The following CUX2 variants were observed in gnomAD, a reference collection of about 807,000 sequenced individuals.
CUX2 encodes the protein homeobox protein cut-like 2.
A neutral mutation model predicts 144.8 loss-of-function variants in CUX2; 40 were observed. The ratio of observed to expected loss-of-function variants is 0.28; its 90% CI spans 0.21 to 0.36. The LOEUF (loss-of-function observed/expected upper bound fraction) is 0.36. Among genes scored for constraint, CUX2 ranks in the 10% least tolerant of loss-of-function variants. CUX2 has a pLI of 1.00. For synonymous variants in CUX2, 827 were observed against 875.6 expected, an observed-to-expected ratio of 0.94 and a Z score of 0.98; for missense variants, 1,615 against 1,994.0, an observed-to-expected ratio of 0.81 and a Z score of 3.62.
chr12:111,249,791 C>G (rs1883477783), intron 3 of CUX2, among the ~76,000 whole-genome samples: 1 of 152,016 alleles, frequency 6.6e-6, no homozygotes, highest in South Asian at 2.1e-4. Context: ...TTTATTTGGG[C>G]TTAGAGAGAA....
rs1220139035 is a variant in CUX2, at chr12:111,037,440, C to T, written c.63+3200C>T. 6.6e-6 allele frequency among the ~76,000 whole-genome samples: 1 copy of T among 152,246 alleles called. No individual in the cohort carries two copies. The highest frequency in any genetic ancestry group is 1.5e-5 in the Non-Finnish European group (1 of 68,048). On this transcript the variant is annotated intron_variant, in intron 1 of 21. Coordinates refer to ENST00000261726, the MANE Select transcript of CUX2 (RefSeq NM_015267.4). This position sits in a 1 kb window ranked among gnomAD's most constrained non-coding sequence, Gnocchi z 5.4. ...CAGTTATTATTCCTTCCAGCGCCGT[C>T]TCTGTACACAGCAGGGCTGTTTTCC...
intron 1 of CUX2, among the ~76,000 whole-genome samples, chr12:111,121,330 A>C (rs1874651319): frequency 6.6e-6 from 1 of 151,026 alleles, no homozygotes; most frequent in African/African-American, 2.4e-5. Context: ...TTCTGAAATA[A>C]ATGTGTTTTT....
intron 1 of CUX2, among the ~76,000 whole-genome samples, chr12:111,137,183 C>T (rs1172446902): frequency 6.6e-6 from 1 of 152,040 alleles, no homozygotes; most frequent in Non-Finnish European, 1.5e-5. Context: ...GATCCCCCTG[C>T]CTGGGCCTCC....
chr12:111,282,352 C>T (rs1037598542), intron 4 of CUX2, among the ~76,000 whole-genome samples: 1 of 149,684 alleles, frequency 6.7e-6, no homozygotes, highest in Admixed American at 6.6e-5. Flanking sequence ...ACAGGCCGTG[C>T]GCCTTGGCTC....
At chr12:111,226,721 G>A (rs1430769974) in intron 3 of CUX2, among the ~76,000 whole-genome samples, 1 of 151,982 alleles carries the variant, frequency 6.6e-6, no homozygotes, top group Non-Finnish European at 1.5e-5. Context: ...TTGCTTTTTG[G>A]CCTTGTGCGA....
chr12:111,340,209 C>G (rs962991063), intron 20 of CUX2, among the ~76,000 whole-genome samples: 1 of 152,088 alleles, frequency 6.6e-6, no homozygotes, highest in Non-Finnish European at 1.5e-5. Flanking sequence ...AAAAAAAATG[C>G]ATTTTCAGAG....
Position 111,034,455 on chromosome 12 carries a change from C to T in CUX2, c.63+215C>T, listed in dbSNP as rs1308993106. 3.3e-5 allele frequency among the ~76,000 whole-genome samples: 5 copies of T among 151,678 alleles called. No homozygotes were observed. The highest frequency in any genetic ancestry group is 1.2e-4 in the African/African-American group (5 of 41,386). On this transcript the variant is annotated intron_variant, in intron 1 of 21. Transcript: ENST00000261726. This position sits in a 1 kb window ranked among gnomAD's most constrained non-coding sequence, Gnocchi z 4.2. ...GTTCGGTTCAGTCATCGATTAGCTG[C>T]CGCGACCATGGAGAAGCGCTAGTGA...
intron 18 of CUX2, among the ~76,000 whole-genome samples, chr12:111,332,427 C>G (rs775312396): frequency 2.6e-5 from 4 of 152,026 alleles, no homozygotes; most frequent in Non-Finnish European, 4.4e-5. Context: ...GCCACTGCAC[C>G]CGGCCCCAAT....
chr12:111,332,212 G>A (rs112489092), intron 18 of CUX2, among the ~76,000 whole-genome samples: 4,648 of 137,596 alleles, frequency 0.034, 283 homozygotes, highest in African/African-American at 0.12. Flanking sequence ...GGCTCTCTGC[G>A]AGCTCCGCCT....
rs1194754848 is a variant in CUX2, at chr12:111,287,332, G to A, written c.302-4086G>A. Among the ~76,000 whole-genome samples, 7 of 152,300 alleles carry A rather than the reference G, an allele frequency of 4.6e-5. No homozygotes were observed. Among genetic ancestry groups the A allele is most frequent in the South Asian group, 2.1e-4 (1 of 4,832 alleles). Reference sequence around the variant, plus strand: ...TCCTTGGAACCGGAGCAAGCCCTCCGTGGCCCTGCGCAGTCCGCGTGGCAC... The same window carrying A: ...TCCTTGGAACCGGAGCAAGCCCTCCATGGCCCTGCGCAGTCCGCGTGGCAC... On this transcript the variant is annotated intron_variant, in intron 4 of 21. Coordinates refer to ENST00000261726, the MANE Select transcript of CUX2 (RefSeq NM_015267.4). This position sits in a 1 kb window ranked among gnomAD's most constrained non-coding sequence, Gnocchi z 4.2.
At chr12:111,288,539 G>C (rs911027035) in intron 4 of CUX2, among the ~76,000 whole-genome samples, 19 of 151,874 alleles carry the variant, frequency 1.3e-4, no homozygotes, top group East Asian at 5.8e-4. Context: ...AAAAATCTGG[G>C]GGAGCGACCA....
At chr12:111,104,368 A>T (rs537277756) in intron 1 of CUX2, among the ~76,000 whole-genome samples, 3 of 152,322 alleles carry the variant, frequency 2.0e-5, no homozygotes, top group East Asian at 1.9e-4. Flanking sequence ...AGGATGGCTC[A>T]TGGGAGGTTT....
intron 1 of CUX2, among the ~76,000 whole-genome samples, chr12:111,106,396 A>G (rs1002052855): frequency 2.0e-5 from 3 of 152,026 alleles, no homozygotes; most frequent in Admixed American, 6.5e-5. Context: ...GACTTAAGCA[A>G]TTCACCCACC....
intron 16 of CUX2, among the ~76,000 whole-genome samples, chr12:111,317,300 C>T (rs1887246136): frequency 6.6e-6 from 1 of 152,134 alleles, no homozygotes; most frequent in Non-Finnish European, 1.5e-5. Context: ...AATTGTCATT[C>T]CTCAGGGCAC....
At chr12:111,133,312 T>G (rs985862733) in intron 1 of CUX2, among the ~76,000 whole-genome samples, 1 of 152,192 alleles carries the variant, frequency 6.6e-6, no homozygotes, top group Non-Finnish European at 1.5e-5. Flanking sequence ...TTAGTTCGTT[T>G]TCACGCTGCC....
intron 4 of CUX2, among the ~76,000 whole-genome samples, chr12:111,286,749 G>A (rs1197473220): frequency 6.6e-6 from 1 of 152,056 alleles, no homozygotes; most frequent in African/African-American, 2.4e-5. Context: ...GGTAGCTGTA[G>A]TCCCAGCTAC....
chr12:111,043,449 G>A (rs1869843783), intron 1 of CUX2, among the ~76,000 whole-genome samples: 1 of 152,136 alleles, frequency 6.6e-6, no homozygotes, highest in African/African-American at 2.4e-5. Context: ...TTCTGAGCAG[G>A]TTACTGGGCC....
intron 3 of CUX2, among the ~76,000 whole-genome samples, chr12:111,234,814 G>A (rs913436735): frequency 6.6e-6 from 1 of 151,670 alleles, no homozygotes; most frequent in Admixed American, 6.6e-5. Flanking sequence ...TGCCTCCCAG[G>A]CTCAAACAGT....
chr12:111,129,174 A>G (rs1356019301), intron 1 of CUX2, among the ~76,000 whole-genome samples: 1 of 152,190 alleles, frequency 6.6e-6, no homozygotes, highest in Non-Finnish European at 1.5e-5. Flanking sequence ...TTTATTTTCT[A>G]CCTTCTGGCA....
Sources: allele counts gnomAD v4.1 joint callset (sites outside exome capture counted in the v4.1 genomes callset), GRCh38; gene constraint gnomAD v4.1.1; non-coding constraint Gnocchi (gnomAD v3.1); transcripts MANE v1.5; gene names NCBI Gene and HGNC (gene_info 2026-07-23, HGNC 2026-07-21).